Variants in KCNK2 observed in about 807,000 individuals in gnomAD.
KCNK2 encodes potassium channel subfamily K member 2.
Under a neutral mutation model 40.5 loss-of-function variants are expected in KCNK2, and 21 were observed. The ratio of observed to expected loss-of-function variants is 0.52; its 90% CI spans 0.37 to 0.75. The LOEUF (loss-of-function observed/expected upper bound fraction) is 0.75, where lower values mean the gene tolerates loss of function less well. Ranked by LOEUF, KCNK2 falls within the 30% of genes least tolerant of loss-of-function variation. KCNK2 has a pLI of 0.00. For synonymous variants in KCNK2, 191 were observed against 202.2 expected, an observed-to-expected ratio of 0.94 and a Z score of 0.47; for missense variants, 399 against 531.6, an observed-to-expected ratio of 0.75 and a Z score of 2.45.
At chr1:215,040,970 A>G (rs929019864) in intron 1 of KCNK2, among the ~76,000 whole-genome samples, 3 of 152,164 alleles carry the variant, frequency 2.0e-5, no homozygotes, top group Admixed American at 2.0e-4. Context: ...TGAGAACTTC[A>G]AGCAACAGCA....
chr1:215,059,138 T>TAC (rs1658279848), intron 1 of KCNK2, among the ~76,000 whole-genome samples: 1 of 115,210 alleles, frequency 8.7e-6, no homozygotes, highest in Non-Finnish European at 1.8e-5. Context: ...TGTATATATA[T>TAC]ACACACACAT....
intron 2 of KCNK2, among the ~76,000 whole-genome samples, chr1:215,117,064 T>C (rs1415560991): frequency 1.3e-5 from 2 of 152,056 alleles, no homozygotes; most frequent in East Asian, 3.9e-4. Context: ...TACATTTAAT[T>C]GTGGAATGTA....
chr1:215,216,210 T>C (rs1215793991), intron 6 of KCNK2, among the ~76,000 whole-genome samples: 2 of 152,080 alleles, frequency 1.3e-5, no homozygotes, highest in Admixed American at 1.3e-4. Flanking sequence ...TTTGGTTTAT[T>C]TTCTTGATTT....
intron 1 of KCNK2, among the ~76,000 whole-genome samples, chr1:215,068,276 C>T (rs780533512): frequency 6.6e-6 from 1 of 152,060 alleles, no homozygotes. Flanking sequence ...GGGCCACTGT[C>T]ACCAGATAAG....
At chr1:215,083,472 C>T (rs751731854) in intron 1 of KCNK2, 41 bp downstream of exon 1, 4 of 1,433,356 alleles carry the variant, frequency 2.8e-6, no homozygotes, top group African/African-American at 2.8e-5. Context: ...TCTGGCCGCA[C>T]GCTCTCCTGC....
intron 1 of KCNK2, among the ~76,000 whole-genome samples, chr1:215,084,733 T>G (rs1418676830): frequency 6.6e-6 from 1 of 152,202 alleles, no homozygotes. Flanking sequence ...GAGAAACATG[T>G]GCATTCCTCT....
intron 1 of KCNK2, among the ~76,000 whole-genome samples, chr1:215,053,717 A>G (rs1658064024): frequency 6.6e-6 from 1 of 152,234 alleles, no homozygotes. Flanking sequence ...TCTTGAACTC[A>G]GTACAATCCC....
At chr1:215,131,179 T>G (rs980594433) in intron 3 of KCNK2, among the ~76,000 whole-genome samples, 3 of 150,810 alleles carry the variant, frequency 2.0e-5, no homozygotes, top group East Asian at 1.9e-4. Flanking sequence ...TATTTTTAAG[T>G]TTTTTTTTAA....
At chr1:215,063,687 G>C (rs1398134701) in intron 1 of KCNK2, among the ~76,000 whole-genome samples, 3 of 152,176 alleles carry the variant, frequency 2.0e-5, no homozygotes, top group Non-Finnish European at 2.9e-5. Context: ...ACTCCTCTGA[G>C]AGAATGGCAT....
At chr1:215,182,853 C>T (rs1310847536) in intron 5 of KCNK2, among the ~76,000 whole-genome samples, 1 of 152,186 alleles carries the variant, frequency 6.6e-6, no homozygotes, top group East Asian at 1.9e-4. Context: ...TCCCTCACTG[C>T]ATTTCCAAGC....
At chr1:215,153,711 G>A (rs1172657988) in intron 3 of KCNK2, among the ~76,000 whole-genome samples, 9 of 151,898 alleles carry the variant, frequency 5.9e-5, no homozygotes, top group African/African-American at 1.9e-4. Flanking sequence ...GTGGTTTGCT[G>A]CACCTATGGA....
chr1:215,105,620 G>C (rs1056049160), intron 2 of KCNK2, among the ~76,000 whole-genome samples: 11 of 152,120 alleles, frequency 7.2e-5, no homozygotes, highest in African/African-American at 2.6e-4. Context: ...GATGCAGGGA[G>C]TACATGTGCA....
intron 2 of KCNK2, among the ~76,000 whole-genome samples, chr1:215,098,587 A>G (rs1278637366): frequency 6.6e-6 from 1 of 151,996 alleles, no homozygotes; most frequent in African/African-American, 2.4e-5. Flanking sequence ...TTATATTAAA[A>G]CATCACAGAA....
chr1:215,107,777 C>T (rs569353751), intron 2 of KCNK2, among the ~76,000 whole-genome samples: 23 of 151,908 alleles, frequency 1.5e-4, no homozygotes, highest in Admixed American at 7.2e-4. Context: ...CTTCGGTATC[C>T]GTGGGTTCGG....
chr1:215,175,116 G>A (rs977033947), intron 5 of KCNK2, among the ~76,000 whole-genome samples: 1 of 152,118 alleles, frequency 6.6e-6, no homozygotes, highest in African/African-American at 2.4e-5. Flanking sequence ...GTCATAAATA[G>A]CTGTTATTAT....
In KCNK2 at chr1:215,204,441, T is replaced by G. The variant is rs576285060; in HGVS notation, c.963+9349T>G. 2.6e-5 allele frequency among the ~76,000 whole-genome samples: 4 copies of G among 152,232 alleles called. No homozygotes were observed. In the South Asian group the frequency reaches 8.3e-4, roughly 32 times the overall value. On this transcript the variant is annotated intron_variant, in intron 6 of 6. Coordinates refer to ENST00000444842, the MANE Select transcript of KCNK2 (RefSeq NM_001017425.3). Reference sequence around the variant, plus strand: ...TTAATAGTTTCTGTCTCAAAGCTCTTTATAAGTAATTTCATTTTCTTTAGC... The same window carrying G: ...TTAATAGTTTCTGTCTCAAAGCTCTGTATAAGTAATTTCATTTTCTTTAGC...
At chr1:215,209,445 A>ATTATATATT (rs1665502257) in intron 6 of KCNK2, among the ~76,000 whole-genome samples, 1 of 26,676 alleles carries the variant, frequency 3.7e-5, no homozygotes, top group Non-Finnish European at 5.9e-5. Context: ...TAAAATATAT[A>ATTATATATT]ATATATATTA....
intron 1 of KCNK2, among the ~76,000 whole-genome samples, chr1:215,018,971 A>G (rs1656689348): frequency 6.7e-6 from 1 of 148,296 alleles, no homozygotes; most frequent in South Asian, 2.2e-4. Flanking sequence ...TGTGGGGTGC[A>G]ATTCTCTCTC....
intron 6 of KCNK2, among the ~76,000 whole-genome samples, chr1:215,234,521 T>C (rs1008431315): frequency 6.6e-6 from 1 of 151,392 alleles, no homozygotes; most frequent in African/African-American, 2.4e-5. Context: ...AGATTGCCTT[T>C]TTACAGCATC....
Sources: gnomAD v4.1 joint callset for allele counts (sites outside exome capture counted in the v4.1 genomes callset) on GRCh38, gnomAD v4.1.1 for gene constraint, MANE v1.5 for transcripts, NCBI Gene and HGNC (gene_info 2026-07-23, HGNC 2026-07-21) for gene names.